The following IQSEC3 variants were observed in gnomAD, a reference collection of about 807,000 sequenced individuals.
IQSEC3 encodes IQ motif and Sec7 domain ArfGEF 3, also known as IQ motif and SEC7 domain-containing protein 3.
In IQSEC3, 50 loss-of-function variants were observed where a neutral mutation model predicts 105.4. The observed-to-expected ratio is 0.47, with a 90% CI of 0.38 to 0.60. The LOEUF is 0.60. IQSEC3 is among the 20% of genes least tolerant of loss of function. The probability of loss-of-function intolerance (pLI) is 0.00; values close to 1 mark genes in which losing one functional copy is unlikely to be tolerated. For missense variants in IQSEC3, 1,415 were observed against 1,630.0 expected, an observed-to-expected ratio of 0.87 and a Z score of 2.27; for synonymous variants, 708 against 746.0, an observed-to-expected ratio of 0.95 and a Z score of 0.83.
intron 1 of IQSEC3, among the ~76,000 whole-genome samples, chr12:77,903 C>G (rs1214457026): frequency 6.6e-6 from 1 of 151,128 alleles, no homozygotes; most frequent in African/African-American, 2.4e-5. Context: ...GCGGCGTGGG[C>G]GGGCCGGCTG....
In IQSEC3 at chr12:138,646, T is replaced by C; in HGVS notation, c.1283T>C (p.Leu428Pro). ...TGGAGCCTCAAGACCATGTGCTCCC[T>C]GCGGGAGAGTGGCGCTTACCAGCTC... ...STWSLKTMCSLRESGAYQLHQ... is the reference protein window; with the variant it reads ...STWSLKTMCSPRESGAYQLHQ... Residue 428 changes from leucine (L) to proline (P), a missense_variant, in exon 4 of 14, where the codon CTG becomes CCG. Leu to Pro is a moderately conservative substitution (Grantham distance 98, BLOSUM62 -3). This residue lies in a region of IQSEC3 where 720 missense variants were observed against 633.0 expected (regional missense o/e 1.14). Transcript: ENST00000538872. This position sits in a 1 kb window ranked among gnomAD's most constrained non-coding sequence, Gnocchi z 7.1. 4 of 1,576,548 alleles carry C rather than the reference T, an allele frequency of 2.5e-6. No homozygotes were observed. Among genetic ancestry groups the C allele is most frequent in the Non-Finnish European group, 3.4e-6 (4 of 1,169,376 alleles).
In IQSEC3 at chr12:138,620, G is replaced by C. The variant is rs1351800215; in HGVS notation, c.1257G>C (p.Thr419=). The C allele has an allele frequency of 1.3e-6, 2 of 1,587,830 alleles. No homozygotes were observed. Among genetic ancestry groups the C allele is most frequent in the African/African-American group, 2.7e-5 (2 of 74,504 alleles). The change falls in exon 4 of 14, where the codon ACG becomes ACC. Residue 419 remains threonine (T), a synonymous_variant. Transcript: ENST00000538872. The surrounding 1 kb of genome is among the most constrained non-coding windows in gnomAD (Gnocchi z 7.1). ...AGTCCATCGACGACGCGCTCAGCAC[G>C]TGGAGCCTCAAGACCATGTGCTCCC... ...LAKSIDDALS[T]WSLKTMCSLR... is the part of the protein sequence containing the mutation.
Position 99,134 on chromosome 12 carries a change from C to T in IQSEC3, c.555-12C>T, listed in dbSNP as rs1864336424. ...CCTCAGGCGCTCTGATCTCCCTCTGCTCTGCCCGCAGGAATGAGACCGTGC... is the reference window on the plus strand; with the variant it reads ...CCTCAGGCGCTCTGATCTCCCTCTGTTCTGCCCGCAGGAATGAGACCGTGC... On this transcript the variant is annotated splice_polypyrimidine_tract_variant and intron_variant, in intron 1 of 13. Transcript: ENST00000538872. 24 of 1,597,636 alleles carry T rather than the reference C, an allele frequency of 1.5e-5. No individual in the cohort carries two copies. Among genetic ancestry groups the T allele is most frequent in the Non-Finnish European group, 2.0e-5 (24 of 1,179,132 alleles).
intron 1 of IQSEC3, among the ~76,000 whole-genome samples, chr12:69,164 T>C (rs1184281686): frequency 2.6e-4 from 39 of 152,372 alleles, no homozygotes; most frequent in Non-Finnish European, 1.8e-4. Flanking sequence ...ATGATTTCTC[T>C]CCTCATGACT....
intron 5 of IQSEC3, among the ~76,000 whole-genome samples, chr12:155,617 G>A (rs1192547093): frequency 1.3e-5 from 2 of 152,134 alleles, no homozygotes; most frequent in East Asian, 1.9e-4. Context: ...AAAAACTGAC[G>A]GCAGAGTTGG....
At position 165,530 on chromosome 12, in the gene IQSEC3, G is replaced by C. The variant is rs1565449160; in HGVS notation, c.2806G>C (p.Glu936Gln). The C allele has an allele frequency of 4.4e-6, 7 of 1,608,346 alleles. No homozygotes were observed. Among genetic ancestry groups the C allele is most frequent in the Middle Eastern group, 1.6e-4 (1 of 6,072 alleles). Residue 936 changes from glutamate to glutamine, a missense_variant, in exon 10 of 14, where the codon GAG (glutamate) becomes CAG (glutamine). Transcript: ENST00000538872. ...CATGCAGTTCCAGCTCTTTGAGAAC[G>C]AGTGTAAGTCTTTGACAGCCAGTGT... The part of the protein sequence containing the change: ...LGMQFQLFEN[E>Q]YYSHGITLVT...
chr12:70,661 A>C (rs1461056927), intron 1 of IQSEC3, among the ~76,000 whole-genome samples: 3 of 152,402 alleles, frequency 2.0e-5, no homozygotes, highest in Non-Finnish European at 4.4e-5. Context: ...ATGGAAGCAC[A>C]TGAACTTATC....
intron 2 of IQSEC3, among the ~76,000 whole-genome samples, chr12:101,222 C>G (rs782232342): frequency 9.9e-5 from 15 of 152,192 alleles, no homozygotes; most frequent in Admixed American, 3.3e-4. Context: ...CTGCCTGTGT[C>G]GTGCCCACCT....
At chr12:96,659 T>A (rs1864249998) in intron 1 of IQSEC3, among the ~76,000 whole-genome samples, 1 of 151,960 alleles carries the variant, frequency 6.6e-6, no homozygotes, top group Non-Finnish European at 1.5e-5. Flanking sequence ...CTACAAAGAG[T>A]CTGTTTTTTC....
chr12:103,755 T>TCA (rs1343257144), intron 2 of IQSEC3, among the ~76,000 whole-genome samples: 1 of 1,794 alleles, frequency 5.6e-4, no homozygotes. Context: ...GAGGCAGGGC[T>TCA]GGGGGGAGGT....
chr12:163,753 G>A, intron 9 of IQSEC3, 134 bp downstream of exon 9: 2 of 718,802 alleles, frequency 2.8e-6, no homozygotes, highest in Admixed American at 2.4e-5. Flanking sequence ...TCCGTGGGAC[G>A]GATCTGCCTT....
At chr12:94,622 GC>G (rs1194051205) in intron 1 of IQSEC3, among the ~76,000 whole-genome samples, 1 of 152,240 alleles carries the variant, frequency 6.6e-6, no homozygotes, top group East Asian at 1.9e-4. Context: ...AGCCCAAGGT[GC>G]TGCAGGTCTT....
chr12:141,110 A>ACC lies in IQSEC3; in HGVS notation c.1992-10_1992-9dup. The stretch of plus-strand genomic sequence containing the variant: ...AGCTCACTCTCTACTGCTTCTCCCC[A>ACC]CCCCCACCTCCAGAAACCCCGACAA... On this transcript the variant is annotated splice_polypyrimidine_tract_variant and intron_variant, in intron 4 of 13. Coordinates refer to ENST00000538872, the MANE Select transcript of IQSEC3 (RefSeq NM_001170738.2). The ACC allele has an allele frequency of 1.6e-6, 2 of 1,223,612 alleles. No homozygotes were observed. The highest frequency in any genetic ancestry group is 1.5e-5 in the South Asian group (1 of 68,704). 75.8% of individuals were successfully genotyped at this position (1,223,612 alleles called of 1,614,324 possible).
chr12:79,701 G>A (rs181513041), intron 1 of IQSEC3, among the ~76,000 whole-genome samples: 7 of 152,250 alleles, frequency 4.6e-5, no homozygotes, highest in Admixed American at 4.6e-4. Context: ...AGAGTAGCTT[G>A]ATTTACTCTT....
chr12:73,191 C>G (rs1353958867), intron 1 of IQSEC3, among the ~76,000 whole-genome samples: 1 of 145,134 alleles, frequency 6.9e-6, no homozygotes, highest in African/African-American at 2.6e-5. Context: ...GTTCAAGATC[C>G]AGATGGTTGA....
intron 3 of IQSEC3, among the ~76,000 whole-genome samples, chr12:135,768 C>G (rs1251393526): frequency 6.6e-6 from 1 of 152,214 alleles, no homozygotes; most frequent in Non-Finnish European, 1.5e-5. Flanking sequence ...AGCAGGCAAC[C>G]TCTAGTGACT....
Position 125,707 on chromosome 12 carries a change from G to T in IQSEC3, c.698G>T (p.Arg233Ile). 3.3e-6 allele frequency: 5 copies of T among 1,535,812 alleles called. No homozygotes were observed. Among genetic ancestry groups the T allele is most frequent in the Non-Finnish European group, 4.3e-6 (5 of 1,152,224 alleles). The stretch of plus-strand genomic sequence containing the variant: ...GCAGCGGCGGCGGTGGCAGCCGGCA[G>T]ACCCAGTGCCCATGCCCCGAAGGCT... ...VVAAAAVAAG[R>I]PSAHAPKAQA... The change falls in exon 3 of 14, where the codon AGA becomes ATA. Residue 233 changes from arginine to isoleucine, a missense_variant. Coordinates refer to ENST00000538872, the MANE Select transcript of IQSEC3 (RefSeq NM_001170738.2).
chr12:115,078 CA>C (rs1865007556), intron 2 of IQSEC3, among the ~76,000 whole-genome samples: 1 of 152,208 alleles, frequency 6.6e-6, no homozygotes, highest in African/African-American at 2.4e-5. Context: ...TGCAGGGAAA[CA>C]AGTGGGGAAT....
At chr12:171,852 G>A (rs922765776) in intron 13 of IQSEC3, among the ~76,000 whole-genome samples, 3 of 152,166 alleles carry the variant, frequency 2.0e-5, no homozygotes, top group Non-Finnish European at 2.9e-5. Flanking sequence ...TGTGGTGGAG[G>A]GGAGGCTGCC....
Sources: allele counts gnomAD v4.1 joint callset (sites outside exome capture counted in the v4.1 genomes callset), GRCh38; gene constraint gnomAD v4.1.1; regional missense constraint gnomAD v4.1.1; non-coding constraint Gnocchi (gnomAD v3.1); transcripts MANE v1.5; gene names NCBI Gene and HGNC (gene_info 2026-07-23, HGNC 2026-07-21).